The following XKRX variants were observed in gnomAD, a reference collection of about 807,000 sequenced individuals.
The protein encoded by XKRX is XK related X-linked.
In XKRX, 11 loss-of-function variants were observed where a neutral mutation model predicts 22.4. The observed-to-expected ratio is 0.49, with a 90% CI of 0.31 to 0.81. The LOEUF (loss-of-function observed/expected upper bound fraction) is 0.81, where lower values mean the gene tolerates loss of function less well. Among genes scored for constraint, XKRX ranks in the 40% least tolerant of loss-of-function variants. The probability of loss-of-function intolerance (pLI) is 0.05; values close to 1 mark genes in which losing one functional copy is unlikely to be tolerated. For missense variants in XKRX, 320 were observed against 336.5 expected (o/e 0.95, Z 0.38); for synonymous variants, 114 against 132.2 (o/e 0.86, Z 0.94).
downstream of XKRX, among the ~76,000 whole-genome samples, chrX:100,912,842 C>A (rs2085411375): frequency 9.0e-6 from 1 of 111,684 alleles, no homozygotes; most frequent in African/African-American, 3.3e-5. Context: ...AGGAGACATG[C>A]ATTCGTCCAC....
the XKRX span, among the ~76,000 whole-genome samples, chrX:100,953,829 A>G: frequency 9.7e-6 from 1 of 103,246 alleles, no homozygotes; most frequent in Non-Finnish European, 2.0e-5. Flanking sequence ...GAATCACTTG[A>G]ACCCGGGAGG....
chrX:100,957,097 TCA>T, the XKRX span: 45 of 1,157,424 alleles, frequency 3.9e-5, no homozygotes, highest in Non-Finnish European at 4.8e-5. Context: ...CCTGTGGTGT[TCA>T]GTCTTTACAA....
At chrX:100,911,386 A>T, downstream of XKRX, 1 of 794,803 alleles carries the variant, frequency 1.3e-6, no homozygotes, top group Non-Finnish European at 1.9e-6. Flanking sequence ...ATGTGAGCAA[A>T]CTGGGACTTG....
At chrX:100,923,538 A>C (rs1022540900) in intron 1 of XKRX, among the ~76,000 whole-genome samples, 5 of 112,196 alleles carry the variant, frequency 4.5e-5, no homozygotes, top group Admixed American at 2.8e-4. Flanking sequence ...GCCTTCTACA[A>C]GTTACATGAA....
the XKRX span, among the ~76,000 whole-genome samples, chrX:100,905,556 T>A: frequency 8.9e-6 from 1 of 112,229 alleles, no homozygotes; most frequent in East Asian, 2.8e-4. Context: ...TCTAGTATTC[T>A]CTCCCACCTT....
the XKRX span, among the ~76,000 whole-genome samples, chrX:100,897,613 G>A: frequency 6.4e-5 from 6 of 93,366 alleles, no homozygotes; most frequent in African/African-American, 2.4e-4. Flanking sequence ...GTGTGTGTGT[G>A]TGTGTGTGTG....
the XKRX span, among the ~76,000 whole-genome samples, chrX:100,952,601 G>A: frequency 4.4e-4 from 49 of 111,239 alleles, no homozygotes; most frequent in Non-Finnish European, 6.6e-4. Context: ...GACTGTTTAC[G>A]TAGAAACTCT....
the XKRX span, among the ~76,000 whole-genome samples, chrX:100,895,472 G>A: frequency 8.9e-6 from 1 of 111,971 alleles, no homozygotes; most frequent in African/African-American, 3.2e-5. Context: ...AGTATAGCAT[G>A]GTAAGGAGTT....
At chrX:100,951,276 G>T in the XKRX span, among the ~76,000 whole-genome samples, 6 of 103,353 alleles carry the variant, frequency 5.8e-5, no homozygotes, top group Non-Finnish European at 1.2e-4. Context: ...GGAGGGAGGG[G>T]GACAAAGGTT....
chrX:100,927,012 C>A (rs1298255374), intron 1 of XKRX, among the ~76,000 whole-genome samples: 2 of 110,821 alleles, frequency 1.8e-5, no homozygotes, highest in Non-Finnish European at 3.8e-5. Flanking sequence ...GGCAGTAGCA[C>A]CAGCCCAAGC....
rs1379907275 is a variant in XKRX at position 100,922,949 on chromosome X, T to A, written c.448A>T (p.Ile150Leu). 11 of 1,211,730 alleles carry A rather than the reference T, an allele frequency of 9.1e-6. No homozygotes were observed. Among genetic ancestry groups the A allele is most frequent in the African/African-American group, 1.7e-5 (1 of 57,774 alleles). Residue 150 changes from isoleucine (I) to leucine (L), a missense_variant, in exon 2 of 3, where the codon ATA becomes TTA. Physicochemically the swap from Ile to Leu is conservative, Grantham distance 5 (BLOSUM62 2). Transcript: ENST00000372956. ...ATGGAGTGGCCCACCTCCCATTCTA[T>A]CAGCACCTCCTCGCCATCTATTAGC... ...KMLIDGEEVL[I>L]EWEVGHSIRT...
At position 100,928,631 on chromosome X, in the gene XKRX, G is replaced by GGGAC. The variant is rs1481756184; in HGVS notation, c.-331_-328dup. On this transcript the variant is annotated 5_prime_UTR_variant, in exon 1 of 3. It removes the in-frame stop codon of an upstream open reading frame in the 5' UTR. Transcript: ENST00000372956. The stretch of plus-strand genomic sequence containing the variant: ...GCGCCCCATCCAGAGTCCAACTCCA[G>GGGAC]GGACGTGAAGAGTCATGAGAACAGC... 5.9e-6 allele frequency: 5 copies of GGGAC among 847,376 alleles called. No homozygotes were observed. The highest frequency in any genetic ancestry group is 7.1e-6 in the Non-Finnish European group (5 of 701,406). The allele number at this position is 847,376 out of a possible 1,213,427, so 69.8% of individuals were successfully genotyped here. A position where few individuals can be genotyped will look rare whatever the true frequency, so the allele number is the denominator to read the frequency against.
chrX:100,957,275 G>T, the XKRX span: 1 of 986,505 alleles, frequency 1.0e-6, no homozygotes, highest in South Asian at 1.9e-5. Flanking sequence ...TGAAAGGTTG[G>T]GGTGGAGAAG....
At chrX:100,903,145 G>GA in the XKRX span, among the ~76,000 whole-genome samples, 6 of 109,405 alleles carry the variant, frequency 5.5e-5, no homozygotes, top group Non-Finnish European at 9.5e-5. Context: ...CAGAAACAAG[G>GA]AAAAAAACAA....
Position 100,928,461 on chromosome X carries a change from C to T in XKRX, c.-157G>A. ...AGATTCACTAGTTAGAGCAAGAAAC[C>T]GCTCTCTTCTAGACTCAGATTCGAC... On this transcript the variant is annotated 5_prime_UTR_variant, in exon 1 of 3. Transcript: ENST00000372956. The T allele has an allele frequency of 8.9e-7, 1 of 1,126,800 alleles. No homozygotes were observed. The allele number at this position is 1,126,800 out of a possible 1,213,427, so 92.9% of individuals were successfully genotyped here.
At chrX:100,938,626 C>T in the XKRX span, among the ~76,000 whole-genome samples, 1 of 110,765 alleles carries the variant, frequency 9.0e-6, no homozygotes, top group Non-Finnish European at 1.9e-5. Context: ...AAGACTCTGT[C>T]TCAAACAAAC....
chrX:100,925,861 G>A (rs1312399755), intron 1 of XKRX, among the ~76,000 whole-genome samples: 1 of 111,887 alleles, frequency 8.9e-6, no homozygotes, highest in Non-Finnish European at 1.9e-5. Flanking sequence ...GGTCCATCCT[G>A]TGTTGTTGTT....
At chrX:100,898,607 A>C in the XKRX span, among the ~76,000 whole-genome samples, 4 of 109,518 alleles carry the variant, frequency 3.7e-5, no homozygotes, top group South Asian at 1.6e-3. Flanking sequence ...CAAAAAAAAA[A>C]AAACAAGAAG....
chrX:100,917,706 G>T (rs1289708502), intron 2 of XKRX, among the ~76,000 whole-genome samples: 7 of 105,811 alleles, frequency 6.6e-5, no homozygotes, highest in African/African-American at 2.4e-4. Context: ...AAGAAAGAAA[G>T]AAAGAAAGAA....
Sources: allele counts gnomAD v4.1 joint callset (sites outside exome capture counted in the v4.1 genomes callset), GRCh38; gene constraint gnomAD v4.1.1; transcripts MANE v1.5; gene names NCBI Gene and HGNC (gene_info 2026-07-23, HGNC 2026-07-21).